The following ACTR1A variants were observed in gnomAD, a reference collection of about 807,000 sequenced individuals.
The protein encoded by ACTR1A is alpha-centractin.
A neutral mutation model predicts 50.7 loss-of-function variants in ACTR1A; 10 were observed. That is an observed-to-expected ratio of 0.20 (90% confidence interval 0.12 to 0.33). The LOEUF (loss-of-function observed/expected upper bound fraction) is 0.33. ACTR1A is among the 10% of genes least tolerant of loss of function. The pLI, the probability that ACTR1A is intolerant of heterozygous loss-of-function variation, is 1.00. For missense variants in ACTR1A, 253 were observed against 491.7 expected (o/e 0.51, Z 4.59); for synonymous variants, 177 against 184.2 (o/e 0.96, Z 0.32).
intron 1 of ACTR1A, among the ~76,000 whole-genome samples, chr10:102,500,095 A>G (rs1356918581): frequency 6.6e-6 from 1 of 152,204 alleles, no homozygotes; most frequent in African/African-American, 2.4e-5. Context: ...TTTTTCCACA[A>G]GGATTTAATA....
chr10:102,501,115 A>G (rs1323987426), intron 1 of ACTR1A, among the ~76,000 whole-genome samples: 1 of 152,104 alleles, frequency 6.6e-6, no homozygotes, highest in African/African-American at 2.4e-5. Flanking sequence ...CATTGAGCTC[A>G]ATCCTGCCCC....
chr10:102,494,887 T>C (rs907023343), intron 1 of ACTR1A, among the ~76,000 whole-genome samples: 5 of 152,186 alleles, frequency 3.3e-5, no homozygotes, highest in African/African-American at 1.2e-4. Flanking sequence ...CTCGGCTCAC[T>C]GTAACCTCCG....
At chr10:102,490,109 G>A (rs1027113422) in intron 2 of ACTR1A, among the ~76,000 whole-genome samples, 37 of 151,464 alleles carry the variant, frequency 2.4e-4, no homozygotes, top group Admixed American at 1.9e-3. Context: ...GGTGGCAGGC[G>A]CCTGTAGTCC....
chr10:102,479,727 T>G lies in ACTR1A; in HGVS notation c.*1136A>C, dbSNP rs763200321. 1,128 of 1,265,446 alleles carry G rather than the reference T, an allele frequency of 8.9e-4. No homozygotes were observed. Among genetic ancestry groups the G allele is most frequent in the Non-Finnish European group, 1.1e-3 (1,072 of 968,528 alleles). 78.4% of individuals were successfully genotyped at this position (1,265,446 alleles called of 1,614,324 possible). On this transcript the variant is annotated 3_prime_UTR_variant, in exon 11 of 11. Transcript: ENST00000369905. The surrounding 1 kb of genome is among the most constrained non-coding windows in gnomAD (Gnocchi z 4.0). Reference sequence around the variant, plus strand: ...TCAGCTACAGTGGCAAAAGGCAACTTGGTAAATTGCAGCTTTCTCCAGTCT... The same window carrying G: ...TCAGCTACAGTGGCAAAAGGCAACTGGGTAAATTGCAGCTTTCTCCAGTCT...
At chr10:102,497,892 A>T (rs1456845084) in intron 1 of ACTR1A, among the ~76,000 whole-genome samples, 2 of 150,886 alleles carry the variant, frequency 1.3e-5, no homozygotes, top group Non-Finnish European at 3.0e-5. Context: ...CAGGAGTTCT[A>T]GATCAGCCTG....
chr10:102,502,515 C>T (rs1304713091), intron 1 of ACTR1A, 85 bp downstream of exon 1: 16 of 1,479,682 alleles, frequency 1.1e-5, no homozygotes, highest in East Asian at 6.8e-5. Context: ...GACAAAGAGC[C>T]GGCGGCTCAG....
At chr10:102,487,113 C>A (rs907864179) in intron 4 of ACTR1A, among the ~76,000 whole-genome samples, 1 of 151,976 alleles carries the variant, frequency 6.6e-6, no homozygotes, top group African/African-American at 2.4e-5. Context: ...AGAGTTACTT[C>A]CTTACAAGTT....
intron 1 of ACTR1A, among the ~76,000 whole-genome samples, chr10:102,494,467 A>G (rs1008464519): frequency 6.6e-6 from 1 of 152,048 alleles, no homozygotes; most frequent in Admixed American, 6.5e-5. Context: ...CCGTCTCTAC[A>G]AAAATACAAA....
rs535127567 is a variant in ACTR1A at position 102,482,987 on chromosome 10, G to A, written c.750+24C>T. ...GAGCTTTTGTGGACCTAAGGGGACC[G>A]AAGAAAGAAGGCAGGCCACCTACCT... On this transcript the variant is annotated intron_variant, in intron 7 of 10. Coordinates refer to ENST00000369905, the MANE Select transcript of ACTR1A (RefSeq NM_005736.4). The surrounding 1 kb of genome is among the most constrained non-coding windows in gnomAD (Gnocchi z 5.6). 8.1e-5 allele frequency: 129 copies of A among 1,593,726 alleles called. 1 individual carries two copies. The South Asian group carries it at 1.3e-3, about 16-fold the overall frequency.
intron 1 of ACTR1A, among the ~76,000 whole-genome samples, chr10:102,495,109 C>T (rs1043219977): frequency 6.6e-6 from 1 of 151,978 alleles, no homozygotes; most frequent in African/African-American, 2.4e-5. Flanking sequence ...CCACACCAGG[C>T]CTACAAAATA....
In ACTR1A at chr10:102,488,141, G is replaced by GAT. The variant is rs2062177849; in HGVS notation, c.315+7_315+8dup. On this transcript the variant is annotated intron_variant, in intron 4 of 10. Transcript: ENST00000369905. The surrounding 1 kb of genome is among the most constrained non-coding windows in gnomAD (Gnocchi z 4.4). ...CCCTACAGGAGTGCCCTACACACAG[G>GAT]ATCCTCACCTCCTCTGAGAAAGTCT... 6.2e-7 allele frequency: 1 copy of GAT among 1,610,188 alleles called. No homozygotes were observed. The highest frequency in any genetic ancestry group is 1.3e-5 in the African/African-American group (1 of 74,842).
chr10:102,498,026 G>A (rs2062230656), intron 1 of ACTR1A, among the ~76,000 whole-genome samples: 1 of 151,690 alleles, frequency 6.6e-6, no homozygotes, highest in African/African-American at 2.4e-5. Flanking sequence ...GGCAAGCTGA[G>A]GCTGCAGTGA....
intron 1 of ACTR1A, among the ~76,000 whole-genome samples, chr10:102,496,031 C>T (rs991584904): frequency 6.6e-6 from 1 of 151,856 alleles, no homozygotes; most frequent in Non-Finnish European, 1.5e-5. Context: ...CTGCAAGTTC[C>T]GCCTCCCGGG....
intron 2 of ACTR1A, among the ~76,000 whole-genome samples, chr10:102,490,041 C>T (rs1284778619): frequency 1.3e-5 from 2 of 151,902 alleles, no homozygotes; most frequent in Admixed American, 6.6e-5. Context: ...CAAGACCATC[C>T]TGGCTAATAC....
chr10:102,484,734 G>A (rs2135580952), intron 5 of ACTR1A, among the ~76,000 whole-genome samples: 1 of 152,290 alleles, frequency 6.6e-6, no homozygotes, highest in East Asian at 1.9e-4. Flanking sequence ...GGAAAAGTAA[G>A]AGTAAAGAAA....
chr10:102,481,817 A>C lies in ACTR1A; in HGVS notation c.987+20T>G. On this transcript the variant is annotated intron_variant, in intron 9 of 10. Coordinates refer to ENST00000369905, the MANE Select transcript of ACTR1A (RefSeq NM_005736.4). ...ATGGAAGCCTAGTTCCACCCAGGCC[A>C]GGCCCCACCATGCTCCTACCCTGAT... is the stretch of plus-strand genomic sequence containing the variant. 6.2e-7 allele frequency: 1 copy of C among 1,612,122 alleles called. No homozygotes were observed. Among genetic ancestry groups the C allele is most frequent in the South Asian group, 1.1e-5 (1 of 90,994 alleles).
intron 5 of ACTR1A, among the ~76,000 whole-genome samples, chr10:102,485,210 T>C (rs2062161286): frequency 1.3e-5 from 2 of 152,136 alleles, no homozygotes; most frequent in Admixed American, 6.5e-5. Flanking sequence ...GAACAAGGAC[T>C]GTGGTGGCAT....
intron 1 of ACTR1A, among the ~76,000 whole-genome samples, chr10:102,493,067 G>C (rs934614564): frequency 6.6e-6 from 1 of 150,526 alleles, no homozygotes; most frequent in Non-Finnish European, 1.5e-5. Flanking sequence ...GAGGAGAGCA[G>C]GGCAGCCAGT....
intron 1 of ACTR1A, among the ~76,000 whole-genome samples, chr10:102,500,074 A>G (rs1285476269): frequency 6.6e-6 from 1 of 152,202 alleles, no homozygotes; most frequent in Admixed American, 6.5e-5. Context: ...AACCTGTGGG[A>G]GAATATCATC....
Sources: allele counts gnomAD v4.1 joint callset (sites outside exome capture counted in the v4.1 genomes callset), GRCh38; gene constraint gnomAD v4.1.1; non-coding constraint Gnocchi (gnomAD v3.1); transcripts MANE v1.5; gene names NCBI Gene and HGNC (gene_info 2026-07-23, HGNC 2026-07-21).